The following CDON variants were observed in gnomAD, a reference collection of about 807,000 sequenced individuals.
CDON encodes cell adhesion associated, oncogene regulated, also known as cell adhesion molecule-related/down-regulated by oncogenes.
Under a neutral mutation model 120.9 loss-of-function variants are expected in CDON, and 73 were observed. The observed-to-expected ratio is 0.60, with a 90% CI of 0.50 to 0.73. The LOEUF is 0.73. Ranked by LOEUF, CDON falls within the 30% of genes least tolerant of loss-of-function variation. The pLI, the probability that CDON is intolerant of heterozygous loss-of-function variation, is 0.00. For missense variants in CDON, 1,470 were observed against 1,587.3 expected, an observed-to-expected ratio of 0.93 and a Z score of 1.26; for synonymous variants, 566 against 573.5, an observed-to-expected ratio of 0.99 and a Z score of 0.19.
At position 126,001,655 on chromosome 11, in the gene CDON, C is replaced by T. The variant is rs1946947322; in HGVS notation, c.2158+64G>A. On this transcript the variant is annotated intron_variant, in intron 11 of 19. Coordinates refer to ENST00000531738, the MANE Select transcript of CDON (RefSeq NM_001378964.1). ...AAACAAACACCCTATTCCACCCCAC[C>T]TCCCAAAATCTGAAGCAGGTCAGTT... 8.9e-6 allele frequency: 13 copies of T among 1,459,240 alleles called. No individual in the cohort carries two copies. The Middle Eastern group carries it at 8.4e-4, about 95-fold the overall frequency. 90.4% of individuals were successfully genotyped at this position (1,459,240 alleles called of 1,614,324 possible). A position where few individuals can be genotyped will look rare whatever the true frequency, so the allele number is the denominator to read the frequency against.
rs537943404 is a variant in CDON, at chr11:126,001,093, T to C, written c.2158+626A>G. ...AAATAACTTACCACAGGTACCACTA[T>C]ACATTTTGATGAGTCACACACATGA... is the stretch of plus-strand genomic sequence containing the variant. On this transcript the variant is annotated intron_variant, in intron 11 of 19. Transcript: ENST00000531738. Among the ~76,000 whole-genome samples the C allele has an allele frequency of 9.9e-5, 15 of 152,274 alleles. No individual in the cohort carries two copies. The South Asian group carries it at 2.3e-3, about 23-fold the overall frequency.
In CDON at chr11:125,978,355, T is replaced by C; in HGVS notation, c.3305A>G (p.Gln1102Arg). Residue 1102 changes from glutamine to arginine, a missense_variant, in exon 18 of 20, where the codon CAG becomes CGG. Transcript: ENST00000531738. ...NGGGMYTAVP[Q>R]IDPLECVNCR... ...GTTAACACACTCCAGAGGGTCAATC[T>C]GAGGCACGGCCGTGTACATTCCACC... is the stretch of plus-strand genomic sequence containing the variant. 1 of 1,609,958 alleles carries C rather than the reference T, an allele frequency of 6.2e-7. No homozygotes were observed. The highest frequency in any genetic ancestry group is 8.5e-7 in the Non-Finnish European group (1 of 1,177,516).
intron 16 of CDON, among the ~76,000 whole-genome samples, chr11:125,981,829 T>C (rs1946310306): frequency 6.6e-6 from 1 of 152,048 alleles, no homozygotes; most frequent in Non-Finnish European, 1.5e-5. Context: ...TTAGGTGGGG[T>C]ATTTCAAGTA....
At chr11:126,044,035 T>C (rs958926890) in intron 1 of CDON, among the ~76,000 whole-genome samples, 13 of 152,174 alleles carry the variant, frequency 8.5e-5, no homozygotes, top group African/African-American at 2.4e-4. Flanking sequence ...CATGACATTA[T>C]AGAATGCTGT....
chr11:126,046,499 T>C (rs1487846477), intron 1 of CDON, among the ~76,000 whole-genome samples: 1 of 112,556 alleles, frequency 8.9e-6, no homozygotes, highest in Non-Finnish European at 1.8e-5. Context: ...TCGAGACTTA[T>C]CTAAATAATA....
intron 17 of CDON, among the ~76,000 whole-genome samples, chr11:125,978,849 T>C (rs1239797844): frequency 2.0e-5 from 3 of 152,242 alleles, no homozygotes; most frequent in Admixed American, 6.5e-5. Context: ...CATTTTCCTG[T>C]AATTATTTCA....
chr11:126,061,718 T>C (rs1178091709), intron 1 of CDON, among the ~76,000 whole-genome samples: 1 of 152,240 alleles, frequency 6.6e-6, no homozygotes, highest in Non-Finnish European at 1.5e-5. Flanking sequence ...TCAAGGTGTC[T>C]GGTTTGGGAC....
chr11:125,986,288 G>A (rs1946456506), intron 15 of CDON, among the ~76,000 whole-genome samples: 1 of 152,114 alleles, frequency 6.6e-6, no homozygotes, highest in Non-Finnish European at 1.5e-5. Context: ...CACACACTGG[G>A]GCCTGTCATG....
rs1191285671 is a variant in CDON, at chr11:126,017,456, A to T, written c.641-81T>A. The stretch of plus-strand genomic sequence containing the variant: ...GCTTAGCAAACCTGTGGGCATCACC[A>T]TTTTCCCATGTATTCTTTATACTAC... On this transcript the variant is annotated intron_variant, in intron 5 of 19. Coordinates refer to ENST00000531738, the MANE Select transcript of CDON (RefSeq NM_001378964.1). The T allele has an allele frequency of 4.5e-6, 6 of 1,322,770 alleles. 1 individual carries two copies. In the South Asian group the frequency reaches 4.9e-5, roughly 11 times the overall value. 81.9% of individuals were successfully genotyped at this position (1,322,770 alleles called of 1,614,324 possible).
chr11:125,965,304 T>C (rs893510151), intron 18 of CDON, among the ~76,000 whole-genome samples: 2 of 152,230 alleles, frequency 1.3e-5, no homozygotes, highest in Non-Finnish European at 2.9e-5. Context: ...CAATTCTGAT[T>C]GTTCCTGCTA....
chr11:125,977,136 A>T (rs75347334), intron 18 of CDON, among the ~76,000 whole-genome samples: 3,817 of 152,342 alleles, frequency 0.025, 155 homozygotes, highest in African/African-American at 0.084. Context: ...AAAGCTCAAG[A>T]CAAAAATGTG....
At chr11:126,022,530 G>A (rs934081734) in intron 2 of CDON, among the ~76,000 whole-genome samples, 3 of 152,114 alleles carry the variant, frequency 2.0e-5, no homozygotes, top group Admixed American at 6.6e-5. Context: ...GTTCCAACCC[G>A]AGAGTGGGAA....
intron 1 of CDON, among the ~76,000 whole-genome samples, chr11:126,047,926 C>CAA (rs1395025730): frequency 3.9e-5 from 6 of 152,186 alleles, no homozygotes; most frequent in Non-Finnish European, 8.8e-5. Flanking sequence ...GGATGTCTTT[C>CAA]AATCCCATAT....
upstream of CDON, among the ~76,000 whole-genome samples, chr11:126,062,962 GGGA>G (rs906217024): frequency 3.5e-4 from 53 of 151,846 alleles, 1 homozygote; most frequent in South Asian, 2.5e-3. Context: ...CGCGAGCAGC[GGGA>G]GGAGGGACCG....
intron 1 of CDON, among the ~76,000 whole-genome samples, chr11:126,027,167 A>C (rs1947812744): frequency 1.3e-5 from 2 of 152,212 alleles, no homozygotes; most frequent in Non-Finnish European, 2.9e-5. Context: ...CTTGGTTTAC[A>C]TGTACCCAAG....
Position 126,010,610 on chromosome 11 carries a change from G to C in CDON, c.1283C>G (p.Ala428Gly). Residue 428 changes from alanine (A) to glycine (G), a missense_variant, in exon 8 of 20, where the codon GCC becomes GGC. Coordinates refer to ENST00000531738, the MANE Select transcript of CDON (RefSeq NM_001378964.1). ...AATGACCGGAACCGGCAGCCCACTG[G>C]CATTGCAGGACAGAGTAACAAAGTC... ...DGDFVTLSCN[A>G]SGLPVPVIRW... is the part of the protein sequence containing the mutation. 6.2e-7 allele frequency: 1 copy of C among 1,614,122 alleles called. No homozygotes were observed. The highest frequency in any genetic ancestry group is 1.3e-5 in the African/African-American group (1 of 75,032).
At chr11:125,962,071 A>T in intron 18 of CDON, 73 bp from the exon 19 acceptor site, 1 of 1,182,970 alleles carries the variant, frequency 8.5e-7, no homozygotes. Context: ...CTATTCTGAA[A>T]TATCATTTGG....
chr11:126,031,181 G>C (rs1947932862), intron 1 of CDON, among the ~76,000 whole-genome samples: 1 of 152,162 alleles, frequency 6.6e-6, no homozygotes, highest in African/African-American at 2.4e-5. Flanking sequence ...CAGGCACTGA[G>C]CTATCCTGGA....
At chr11:126,062,339 T>C (rs1442036676) in intron 1 of CDON, among the ~76,000 whole-genome samples, 1 of 151,742 alleles carries the variant, frequency 6.6e-6, no homozygotes, top group African/African-American at 2.4e-5. Context: ...CACTGACACC[T>C]CACCCCGCCT....
Sources: allele counts gnomAD v4.1 joint callset (sites outside exome capture counted in the v4.1 genomes callset), GRCh38; gene constraint gnomAD v4.1.1; transcripts MANE v1.5; gene names NCBI Gene and HGNC (gene_info 2026-07-23, HGNC 2026-07-21).